The following GRAMD1B variants were observed in gnomAD, a reference collection of about 807,000 sequenced individuals.
The protein encoded by GRAMD1B is protein Aster-B.
A neutral mutation model predicts 99.7 loss-of-function variants in GRAMD1B; 37 were observed. The ratio of observed to expected loss-of-function variants is 0.37; its 90% CI spans 0.29 to 0.49. The LOEUF is 0.49. GRAMD1B is among the 20% of genes least tolerant of loss of function. GRAMD1B has a pLI of 0.98. For missense variants in GRAMD1B, 888 were observed against 1,009.2 expected (o/e 0.88, Z 1.63); for synonymous variants, 427 against 387.6 (o/e 1.10, Z -1.19).
At chr11:123,491,401 G>A (rs116337208) in intron 2 of GRAMD1B, among the ~76,000 whole-genome samples, 2 of 152,058 alleles carry the variant, frequency 1.3e-5, no homozygotes, top group Non-Finnish European at 2.9e-5. Context: ...GGACATTCCC[G>A]TGATCCCTTA....
At chr11:123,485,116 T>A (rs538498143) in intron 2 of GRAMD1B, among the ~76,000 whole-genome samples, 1 of 152,234 alleles carries the variant, frequency 6.6e-6, no homozygotes, top group African/African-American at 2.4e-5. Context: ...TGTCACTGAC[T>A]GAAAACGGTC....
At chr11:123,532,647 A>G (rs768873293) in intron 2 of GRAMD1B, among the ~76,000 whole-genome samples, 8 of 152,246 alleles carry the variant, frequency 5.3e-5, no homozygotes, top group South Asian at 4.1e-4. Context: ...CATAGCCAAC[A>G]GGCCAAATTC....
chr11:123,525,795 G>A (rs1482626674), intron 2 of GRAMD1B: 1 of 303,354 alleles, frequency 3.3e-6, no homozygotes, highest in Admixed American at 4.5e-5. Flanking sequence ...CCTGGCTGTT[G>A]ACGGCAACTC....
chr11:123,451,855 G>A (rs200724352), intron 1 of GRAMD1B, among the ~76,000 whole-genome samples: 9 of 139,688 alleles, frequency 6.4e-5, no homozygotes, highest in African/African-American at 2.5e-4. Context: ...ATATATGTAT[G>A]TATGGTGGTG....
intron 7 of GRAMD1B, among the ~76,000 whole-genome samples, chr11:123,597,156 C>T (rs1294656466): frequency 1.4e-5 from 2 of 146,820 alleles, no homozygotes; most frequent in Non-Finnish European, 3.0e-5. Flanking sequence ...TGAGATGGGG[C>T]CTCACTATAT....
chr11:123,405,520 A>G (rs1212471222), intron 1 of GRAMD1B, among the ~76,000 whole-genome samples: 1 of 152,184 alleles, frequency 6.6e-6, no homozygotes, highest in Non-Finnish European at 1.5e-5. Flanking sequence ...GCTGCTGCGG[A>G]TAACTTGGGT....
intron 1 of GRAMD1B, among the ~76,000 whole-genome samples, chr11:123,410,880 G>A (rs1176843188): frequency 4.6e-5 from 7 of 152,114 alleles, no homozygotes; most frequent in Non-Finnish European, 1.0e-4. Context: ...ATATTTACCT[G>A]TAAGACACCT....
chr11:123,404,608 GT>G (rs1366114662), intron 1 of GRAMD1B, among the ~76,000 whole-genome samples: 1 of 152,228 alleles, frequency 6.6e-6, no homozygotes, highest in Non-Finnish European at 1.5e-5. Flanking sequence ...GGTTAGGGTA[GT>G]ACTCTTCTGC....
intron 1 of GRAMD1B, among the ~76,000 whole-genome samples, chr11:123,441,416 T>C (rs1182490186): frequency 6.6e-6 from 1 of 152,060 alleles, no homozygotes; most frequent in Non-Finnish European, 1.5e-5. Flanking sequence ...GGCAAGAGGA[T>C]TGCCGCTTGA....
intron 1 of GRAMD1B, among the ~76,000 whole-genome samples, chr11:123,465,488 G>A (rs530659742): frequency 2.0e-5 from 3 of 152,208 alleles, no homozygotes; most frequent in Non-Finnish European, 4.4e-5. Flanking sequence ...CACTTGGGGC[G>A]TGGTGTGGTG....
intron 4 of GRAMD1B, among the ~76,000 whole-genome samples, chr11:123,589,744 G>A (rs1004195771): frequency 3.3e-5 from 5 of 151,840 alleles, no homozygotes; most frequent in African/African-American, 4.8e-5. Context: ...TTACAAGCAC[G>A]AGCCACTGTG....
intron 1 of GRAMD1B, chr11:123,381,567 A>G (rs1395137857): frequency 6.6e-6 from 1 of 152,670 alleles, no homozygotes; most frequent in African/African-American, 2.4e-5. Context: ...AGGCATGCAT[A>G]TAAGCAAATT....
intron 1 of GRAMD1B, among the ~76,000 whole-genome samples, chr11:123,409,449 C>G (rs1947964731): frequency 6.6e-6 from 1 of 152,222 alleles, no homozygotes; most frequent in Non-Finnish European, 1.5e-5. Context: ...CACTCTTGCT[C>G]CCCTGACACT....
intron 1 of GRAMD1B, among the ~76,000 whole-genome samples, chr11:123,460,733 G>T (rs11219149): frequency 0.13 from 19,517 of 152,204 alleles, 1,758 homozygotes; most frequent in East Asian, 0.39. Context: ...GGAAGGGGAG[G>T]CAGGAAGCTG....
rs529301440 is a variant in GRAMD1B, at chr11:123,626,017, G to C, written c.*3422G>C. The C allele has an allele frequency of 6.7e-6, 1 of 150,332 alleles. No homozygotes were observed. Among genetic ancestry groups the C allele is most frequent in the Admixed American group, 6.6e-5 (1 of 15,044 alleles). 9.3% of individuals were successfully genotyped at this position (150,332 alleles called of 1,614,324 possible). ...TGTATTGCTCAGTATTCACTTAGAA[G>C]GGTTTCTTTCTCTTTGGCCTAGTTT... On this transcript the variant is annotated 3_prime_UTR_variant, in exon 20 of 20. Coordinates refer to ENST00000635736, the MANE Select transcript of GRAMD1B (RefSeq NM_001387025.1).
chr11:123,539,339 C>T (rs138253499), intron 2 of GRAMD1B, among the ~76,000 whole-genome samples: 47 of 152,216 alleles, frequency 3.1e-4, no homozygotes, highest in African/African-American at 1.0e-3. Flanking sequence ...TGGTGGCTCA[C>T]GCCTGTAATC....
chr11:123,592,165 CT>C (rs1270304576), intron 4 of GRAMD1B, among the ~76,000 whole-genome samples: 7 of 152,288 alleles, frequency 4.6e-5, no homozygotes, highest in Admixed American at 3.3e-4. Flanking sequence ...GACACTGGAA[CT>C]CTGTAAGTAT....
chr11:123,378,712 G>A (rs1946773243), intron 1 of GRAMD1B, among the ~76,000 whole-genome samples: 1 of 152,210 alleles, frequency 6.6e-6, no homozygotes, highest in Non-Finnish European at 1.5e-5. Flanking sequence ...TATGCAGAAA[G>A]ATTACAGCAT....
At chr11:123,391,714 C>G (rs962392912) in intron 1 of GRAMD1B, among the ~76,000 whole-genome samples, 4 of 152,208 alleles carry the variant, frequency 2.6e-5, no homozygotes, top group Non-Finnish European at 4.4e-5. Flanking sequence ...CCTTGGCCCC[C>G]CAAAGTGCTG....
Sources: allele counts gnomAD v4.1 joint callset (sites outside exome capture counted in the v4.1 genomes callset), GRCh38; gene constraint gnomAD v4.1.1; transcripts MANE v1.5; gene names NCBI Gene and HGNC (gene_info 2026-07-23, HGNC 2026-07-21).